PCDHGA4: variants seen among roughly 807,000 people sequenced by gnomAD.
The protein encoded by PCDHGA4 is protocadherin gamma-A4.
Under a neutral mutation model 54.6 loss-of-function variants are expected in PCDHGA4, and 38 were observed. That is an observed-to-expected ratio of 0.70 (90% confidence interval 0.54 to 0.91). The LOEUF is 0.91. Ranked by LOEUF, PCDHGA4 falls within the 40% of genes least tolerant of loss-of-function variation. The pLI, the probability that PCDHGA4 is intolerant of heterozygous loss-of-function variation, is 0.00. For missense variants in PCDHGA4, 1,298 were observed against 1,220.9 expected (o/e 1.06, Z -0.94); for synonymous variants, 511 against 512.9 (o/e 1.00, Z 0.05).
At chr5:141,391,618 TA>T (rs2092399304) in intron 1 of PCDHGA4, 3 of 152,366 alleles carry the variant, frequency 2.0e-5, no homozygotes, top group African/African-American at 7.2e-5. Flanking sequence ...TGAGTGGTTT[TA>T]AGAAAGTTTT....
chr5:141,364,350 G>C (rs1275891142), intron 1 of PCDHGA4: 2 of 1,550,364 alleles, frequency 1.3e-6, no homozygotes, highest in South Asian at 2.5e-5. Flanking sequence ...CCACCTAGGG[G>C]CTGGGGCTGC....
At chr5:141,465,184 A>G (rs866520508) in intron 1 of PCDHGA4, among the ~76,000 whole-genome samples, 2 of 152,130 alleles carry the variant, frequency 1.3e-5, no homozygotes, top group Admixed American at 6.5e-5. Flanking sequence ...ATTTAATTAA[A>G]AGATAAAAAT....
chr5:141,427,671 A>T (rs1441504057), intron 1 of PCDHGA4: 1 of 798,486 alleles, frequency 1.3e-6, no homozygotes, highest in East Asian at 2.6e-5. Flanking sequence ...GGCCGAAAAC[A>T]ACCTTCCCGG....
At chr5:141,503,384 C>G (rs898225633) in intron 2 of PCDHGA4, among the ~76,000 whole-genome samples, 1 of 151,906 alleles carries the variant, frequency 6.6e-6, no homozygotes, top group Non-Finnish European at 1.5e-5. Flanking sequence ...ATCATGAGGT[C>G]AGGAGTTCGA....
At position 141,422,923 on chromosome 5, in the gene PCDHGA4, C is replaced by T. The variant is rs188787674; in HGVS notation, c.2514+65302C>T. The T allele has an allele frequency of 1.6e-5, 26 of 1,614,252 alleles. No homozygotes were observed. In the East Asian group the frequency reaches 2.5e-4, roughly 15 times the overall value. On this transcript the variant is annotated intron_variant, in intron 1 of 3. Coordinates refer to ENST00000571252, the MANE Select transcript of PCDHGA4 (RefSeq NM_018917.4). ...CGACAATGCGCCCGAGATCCTGTAC[C>T]CTGCCCTCCCCACAGACGGCTCCAC...
intron 1 of PCDHGA4, chr5:141,367,897 G>C (rs1471279698): frequency 6.6e-6 from 1 of 151,856 alleles, no homozygotes; most frequent in Admixed American, 6.6e-5. Flanking sequence ...TTGAGTTTAA[G>C]GTTGTATTTG....
chr5:141,392,202 T>A (rs534571054), intron 1 of PCDHGA4: 1 of 152,352 alleles, frequency 6.6e-6, no homozygotes, highest in South Asian at 2.1e-4. Context: ...AGTCTCAAGA[T>A]AAATTCATTT....
At chr5:141,398,611 A>G (rs2093677658) in intron 1 of PCDHGA4, 4 of 1,613,944 alleles carry the variant, frequency 2.5e-6, no homozygotes, top group African/African-American at 1.3e-5. Context: ...AGATGCAGAT[A>G]TTGGCTTAAA....
chr5:141,491,450 C>G lies in PCDHGA4; in HGVS notation c.2515-3357C>G. ...CAGTGCTGCAGGCGCCAGGACTCAC[C>G]CTCCCCGGACTTCTATAAGCAGTCC... On this transcript the variant is annotated intron_variant, in intron 1 of 3. Transcript: ENST00000571252. The surrounding 1 kb of genome is among the most constrained non-coding windows in gnomAD (Gnocchi z 6.9). The G allele has an allele frequency of 1.2e-6, 2 of 1,614,110 alleles. No homozygotes were observed. Among genetic ancestry groups the G allele is most frequent in the Non-Finnish European group, 1.7e-6 (2 of 1,180,044 alleles).
At chr5:141,413,179 G>C in intron 1 of PCDHGA4, 1 of 1,602,658 alleles carries the variant, frequency 6.2e-7, no homozygotes. Context: ...GACTACAATG[G>C]CCGCTCAAAG....
At chr5:141,422,957 A>C in intron 1 of PCDHGA4, 1 of 1,614,190 alleles carries the variant, frequency 6.2e-7, no homozygotes. Flanking sequence ...ACTGGCGTGG[A>C]GCTGGCGCCC....
chr5:141,385,205 T>A, intron 1 of PCDHGA4: 1 of 1,614,228 alleles, frequency 6.2e-7, no homozygotes, highest in Non-Finnish European at 8.5e-7. Flanking sequence ...AGTCACCTGA[T>A]CTTCCCCCAG....
chr5:141,413,288 C>T (rs2095623576), intron 1 of PCDHGA4: 2 of 1,613,950 alleles, frequency 1.2e-6, no homozygotes, highest in East Asian at 4.5e-5. Flanking sequence ...ATCTCCTACT[C>T]AATTCCTGAG....
At chr5:141,415,754 T>TTG in intron 1 of PCDHGA4, 4 of 1,385,736 alleles carry the variant, frequency 2.9e-6, no homozygotes, top group South Asian at 1.7e-5. Flanking sequence ...TTTTTTTTTT[T>TTG]TTTTTTTTTT....
In PCDHGA4 at chr5:141,375,798, C is replaced by T. The variant is rs368947176; in HGVS notation, c.2514+18177C>T. On this transcript the variant is annotated intron_variant, in intron 1 of 3. Coordinates refer to ENST00000571252, the MANE Select transcript of PCDHGA4 (RefSeq NM_018917.4). ...TACCCCGCCCTCCCCACAGACGGTT[C>T]CACTGGCGTGGAGCTGGCGCCCCGC... 11 of 1,614,124 alleles carry T rather than the reference C, an allele frequency of 6.8e-6. No individual in the cohort carries two copies. The African/African-American group carries it at 1.1e-4, about 16-fold the overall frequency.
intron 1 of PCDHGA4, among the ~76,000 whole-genome samples, chr5:141,358,101 A>C (rs1048505594): frequency 6.6e-6 from 1 of 152,166 alleles, no homozygotes; most frequent in African/African-American, 2.4e-5. Context: ...GAGGCATGAG[A>C]ATTGCTTGAA....
rs182297545 is a variant in PCDHGA4 at position 141,400,627 on chromosome 5, G to A, written c.2514+43006G>A. ...AAGTCCAATGAGTTGTCTTAGGGAA[G>A]TCAGAGCTGCTCAGAAAGCTGTCCT... On this transcript the variant is annotated intron_variant, in intron 1 of 3. Transcript: ENST00000571252. 46 of 1,441,658 alleles carry A rather than the reference G, an allele frequency of 3.2e-5. 1 individual carries two copies. In the East Asian group the frequency reaches 8.4e-4, roughly 26 times the overall value. 89.3% of individuals were successfully genotyped at this position (1,441,658 alleles called of 1,614,324 possible). A position where few individuals can be genotyped will look rare whatever the true frequency, so the allele number is the denominator to read the frequency against.
intron 1 of PCDHGA4, chr5:141,365,297 G>T (rs538677777): frequency 6.2e-7 from 1 of 1,613,896 alleles, no homozygotes; most frequent in Non-Finnish European, 8.5e-7. Flanking sequence ...GGTAGCTCAG[G>T]ATGGAGGCGC....
At position 141,505,417 on chromosome 5, in the gene PCDHGA4, C is replaced by T; in HGVS notation, c.2598C>T (p.Gly866=). The change falls in exon 3 of 4, where the codon GGC becomes GGT. Residue 866 remains glycine, a synonymous_variant. Coordinates refer to ENST00000571252, the MANE Select transcript of PCDHGA4 (RefSeq NM_018917.4). ...TSGSQNGDDT[G]TWPNNQFDTE... is the part of the protein sequence containing the mutation. ...GCTCCCAAAATGGCGATGACACCGG[C>T]ACCTGGCCCAACAACCAGTTTGACA... 1 of 1,614,212 alleles carries T rather than the reference C, an allele frequency of 6.2e-7. No individual in the cohort carries two copies. Among genetic ancestry groups the T allele is most frequent in the Non-Finnish European group, 8.5e-7 (1 of 1,180,024 alleles).
Sources: gnomAD v4.1 joint callset for allele counts (sites outside exome capture counted in the v4.1 genomes callset) on GRCh38, gnomAD v4.1.1 for gene constraint, Gnocchi (gnomAD v3.1) non-coding constraint, MANE v1.5 for transcripts, NCBI Gene and HGNC (gene_info 2026-07-23, HGNC 2026-07-21) for gene names.